ANKS1B: variants seen among roughly 807,000 people sequenced by gnomAD.
ANKS1B encodes the protein ankyrin repeat and sterile alpha motif domain containing 1B.
A neutral mutation model predicts 148.3 loss-of-function variants in ANKS1B; 36 were observed. The observed-to-expected ratio is 0.24, with a 90% CI of 0.19 to 0.32. The LOEUF is 0.32. Among genes scored for constraint, ANKS1B ranks in the 10% least tolerant of loss-of-function variants. The probability of loss-of-function intolerance (pLI) is 1.00; values close to 1 mark genes in which losing one functional copy is unlikely to be tolerated. For synonymous variants in ANKS1B, 542 were observed against 560.8 expected, an observed-to-expected ratio of 0.97 and a Z score of 0.47; for missense variants, 1,157 against 1,542.6, an observed-to-expected ratio of 0.75 and a Z score of 4.19.
At chr12:99,702,035 CTTTCT>C (rs2054917552) in intron 8 of ANKS1B, among the ~76,000 whole-genome samples, 2 of 152,008 alleles carry the variant, frequency 1.3e-5, no homozygotes, top group African/African-American at 2.4e-5. Flanking sequence ...TACTGATTTC[CTTTCT>C]TTTGAGTTTA....
rs555259342 is a variant in ANKS1B, at chr12:99,265,371, C to G, written c.1757-18507G>C. Among the ~76,000 whole-genome samples the G allele has an allele frequency of 2.3e-3, 350 of 152,210 alleles. 4 individuals are homozygous for G. Among genetic ancestry groups the G allele is most frequent in the Middle Eastern group, 0.017 (5 of 294 alleles). On this transcript the variant is annotated intron_variant, in intron 12 of 26. Coordinates refer to ENST00000683438, the MANE Select transcript of ANKS1B (RefSeq NM_001352186.2). Reference sequence around the variant, plus strand: ...TCACTTCAGAATACCTGGGGATGGGCCCAGCAATCTATATTTTTACAAACT... The same window carrying G: ...TCACTTCAGAATACCTGGGGATGGGGCCAGCAATCTATATTTTTACAAACT...
intron 11 of ANKS1B, among the ~76,000 whole-genome samples, chr12:99,439,970 A>G (rs2095523332): frequency 6.6e-6 from 1 of 151,840 alleles, no homozygotes; most frequent in African/African-American, 2.4e-5. Flanking sequence ...TTACCATGAA[A>G]GAAACAACAT....
chr12:98,750,037 G>A (rs1213343280), intron 26 of ANKS1B, among the ~76,000 whole-genome samples: 1 of 152,092 alleles, frequency 6.6e-6, no homozygotes, highest in Non-Finnish European at 1.5e-5. Context: ...GAGCTTTGAG[G>A]GGAAAATCAG....
At chr12:99,598,689 A>G (rs1350937754) in intron 9 of ANKS1B, among the ~76,000 whole-genome samples, 2 of 152,146 alleles carry the variant, frequency 1.3e-5, no homozygotes, top group African/African-American at 4.8e-5. Flanking sequence ...GAAAATTAAC[A>G]AGAATTTTCC....
At chr12:99,116,633 A>C (rs1211785032) in intron 15 of ANKS1B, among the ~76,000 whole-genome samples, 3 of 152,162 alleles carry the variant, frequency 2.0e-5, no homozygotes. Flanking sequence ...AAAAAAAATA[A>C]ACATTTAAAT....
intron 14 of ANKS1B, among the ~76,000 whole-genome samples, chr12:99,235,937 T>C (rs2087830783): frequency 6.6e-6 from 1 of 152,190 alleles, no homozygotes; most frequent in Non-Finnish European, 1.5e-5. Flanking sequence ...CCCAGGCCAA[T>C]CCACCATAAA....
chr12:99,439,190 G>A (rs998022882), intron 11 of ANKS1B, among the ~76,000 whole-genome samples: 6 of 151,348 alleles, frequency 4.0e-5, no homozygotes, highest in African/African-American at 1.2e-4. Flanking sequence ...ATGGATTATC[G>A]ACCTAAATAT....
At chr12:99,641,997 G>A (rs1211667427) in intron 9 of ANKS1B, among the ~76,000 whole-genome samples, 1 of 152,128 alleles carries the variant, frequency 6.6e-6, no homozygotes, top group African/African-American at 2.4e-5. Flanking sequence ...AAATATAAGT[G>A]AGACAAGGAA....
chr12:99,351,940 T>C (rs1454086676), intron 12 of ANKS1B: 3 of 152,020 alleles, frequency 2.0e-5, no homozygotes, highest in African/African-American at 7.2e-5. Flanking sequence ...TAAAGGAAAG[T>C]TTAAAATAAT....
intron 12 of ANKS1B, among the ~76,000 whole-genome samples, chr12:99,339,652 G>A (rs544177650): frequency 1.3e-5 from 2 of 152,264 alleles, no homozygotes; most frequent in Admixed American, 1.3e-4. Context: ...CTGTTAGGAT[G>A]TATTAATTTC....
intron 12 of ANKS1B, among the ~76,000 whole-genome samples, chr12:99,283,834 C>T (rs531757337): frequency 2.0e-5 from 3 of 152,086 alleles, no homozygotes; most frequent in African/African-American, 4.8e-5. Flanking sequence ...ACTGAATAAA[C>T]CAGGGGTAGC....
intron 14 of ANKS1B, among the ~76,000 whole-genome samples, chr12:99,173,836 T>C (rs2078066052): frequency 6.6e-6 from 1 of 152,120 alleles, no homozygotes; most frequent in Admixed American, 6.6e-5. Flanking sequence ...TCGTAGTTCC[T>C]GTGCTTGGGA....
At chr12:99,178,353 T>TA (rs1218666725) in intron 14 of ANKS1B, among the ~76,000 whole-genome samples, 2 of 152,210 alleles carry the variant, frequency 1.3e-5, no homozygotes, top group Non-Finnish European at 2.9e-5. Flanking sequence ...CCACAATGGG[T>TA]AATGCACATG....
intron 9 of ANKS1B, among the ~76,000 whole-genome samples, chr12:99,531,385 C>T (rs1019190411): frequency 6.6e-6 from 1 of 152,114 alleles, no homozygotes; most frequent in African/African-American, 2.4e-5. Flanking sequence ...TCTGAGTCTC[C>T]AGTGTCAACT....
chr12:99,220,449 C>CTTTT (rs5800380), intron 14 of ANKS1B, among the ~76,000 whole-genome samples: 12 of 112,714 alleles, frequency 1.1e-4, no homozygotes, highest in Non-Finnish European at 1.4e-4. Context: ...AGTAGCATTT[C>CTTTT]TTTTTTTTTT....
intron 10 of ANKS1B, among the ~76,000 whole-genome samples, chr12:99,499,750 C>G (rs1595919709): frequency 6.6e-6 from 1 of 152,120 alleles, no homozygotes; most frequent in Non-Finnish European, 1.5e-5. Flanking sequence ...GACAAGCTAT[C>G]CCTGCCAAGC....
At chr12:99,223,159 A>G (rs2085376131) in intron 14 of ANKS1B, among the ~76,000 whole-genome samples, 1 of 152,168 alleles carries the variant, frequency 6.6e-6, no homozygotes, top group Non-Finnish European at 1.5e-5. Context: ...GGACATTACA[A>G]TTCCTAGTTA....
intron 17 of ANKS1B, among the ~76,000 whole-genome samples, chr12:98,886,042 G>GGAGA (rs924192001): frequency 1.1e-4 from 17 of 150,474 alleles, no homozygotes; most frequent in African/African-American, 3.9e-4. Flanking sequence ...AGGGAGGGAG[G>GGAGA]GAGAGAGAGA....
intron 15 of ANKS1B, among the ~76,000 whole-genome samples, chr12:99,115,118 C>G (rs1181773359): frequency 6.6e-6 from 1 of 152,182 alleles, no homozygotes; most frequent in African/African-American, 2.4e-5. Context: ...AATCCTGTTA[C>G]TGGGTATATA....
Sources: allele counts gnomAD v4.1 joint callset (sites outside exome capture counted in the v4.1 genomes callset), GRCh38; gene constraint gnomAD v4.1.1; transcripts MANE v1.5; gene names NCBI Gene and HGNC (gene_info 2026-07-23, HGNC 2026-07-21).